DAB1: variants seen among roughly 807,000 people sequenced by gnomAD.
DAB1 encodes DAB adaptor protein 1, also known as disabled homolog 1.
A neutral mutation model predicts 64.6 loss-of-function variants in DAB1; 15 were observed. That is an observed-to-expected ratio of 0.23 (90% CI 0.16 to 0.36). The LOEUF (loss-of-function observed/expected upper bound fraction) is 0.36, where lower values mean the gene tolerates loss of function less well. Ranked by LOEUF, DAB1 falls within the 10% of genes least tolerant of loss-of-function variation. The pLI is 1.00. For synonymous variants in DAB1, 235 were observed against 251.9 expected, an observed-to-expected ratio of 0.93 and a Z score of 0.64; for missense variants, 596 against 706.7, an observed-to-expected ratio of 0.84 and a Z score of 1.78.
chr1:58,433,593 GAGAGT>G (rs1644904691), intron 3 of DAB1, among the ~76,000 whole-genome samples: 2 of 83,014 alleles, frequency 2.4e-5, no homozygotes, highest in Non-Finnish European at 5.3e-5. Context: ...GAGAGAGAGA[GAGAGT>G]GTGTGTGTGT....
chr1:57,495,377 A>G (rs963773761), intron 7 of DAB1, among the ~76,000 whole-genome samples: 2 of 152,212 alleles, frequency 1.3e-5, no homozygotes, highest in African/African-American at 2.4e-5. Context: ...TCCAAATATC[A>G]TGCTGCACTG....
chr1:57,141,828 C>A (rs1330428264), intron 3 of DAB1, among the ~76,000 whole-genome samples: 2 of 152,124 alleles, frequency 1.3e-5, no homozygotes, highest in Admixed American at 1.3e-4. Context: ...AGCTTAAGAT[C>A]TAGTTTGGGA....
chr1:58,048,943 T>G, intron 5 of DAB1: 1 of 857,728 alleles, frequency 1.2e-6, no homozygotes, highest in Non-Finnish European at 2.0e-6. Context: ...GGTGATGTTC[T>G]TCAGTGTCTT....
intron 2 of DAB1, among the ~76,000 whole-genome samples, chr1:57,234,623 T>A (rs60349301): frequency 0.04 from 6,121 of 152,272 alleles, 411 homozygotes; most frequent in African/African-American, 0.14. Flanking sequence ...TTAACACCCA[T>A]TTATTGTTTC....
chr1:57,074,185 AT>A lies in DAB1; in HGVS notation c.307-1772del, dbSNP rs370925516. ...GCACCGGCCATTTATTTGGAATTAT[AT>A]CAGCTTAGTGTTGCTAATATTCCTT... On this transcript the variant is annotated intron_variant, in intron 4 of 14. Coordinates refer to ENST00000371236, the MANE Select transcript of DAB1 (RefSeq NM_001365792.1). Among the ~76,000 whole-genome samples the A allele has an allele frequency of 9.6e-3, 1,464 of 152,296 alleles. 11 individuals are homozygous for A. The highest frequency in any genetic ancestry group is 0.016 in the Non-Finnish European group (1,056 of 68,002).
At chr1:57,723,226 G>A (rs1008361310) in intron 6 of DAB1, among the ~76,000 whole-genome samples, 8 of 152,092 alleles carry the variant, frequency 5.3e-5, no homozygotes, top group Admixed American at 3.3e-4. Context: ...GTGTGACCAC[G>A]GGCAAGTTTC....
At chr1:57,526,920 A>G (rs1294130975) in intron 7 of DAB1, among the ~76,000 whole-genome samples, 1 of 152,192 alleles carries the variant, frequency 6.6e-6, no homozygotes. Flanking sequence ...CTATATTATG[A>G]GTATTTAATA....
At chr1:57,493,964 A>G (rs1407312016) in intron 7 of DAB1, among the ~76,000 whole-genome samples, 1 of 152,210 alleles carries the variant, frequency 6.6e-6, no homozygotes, top group Non-Finnish European at 1.5e-5. Context: ...AGATAAGTCA[A>G]AAACACTGAA....
intron 6 of DAB1, among the ~76,000 whole-genome samples, chr1:57,695,410 AAGAAAGAAAGAAAGAAAG>A (rs1646831038): frequency 1.5e-5 from 2 of 136,986 alleles, no homozygotes; most frequent in African/African-American, 5.8e-5. Flanking sequence ...GAAAGAAAGA[AAGAAAGAAAGAAAGAAAG>A]AAAGAAAAAA....
chr1:58,503,625 C>CT (rs960463390), intron 3 of DAB1, among the ~76,000 whole-genome samples: 55 of 152,038 alleles, frequency 3.6e-4, no homozygotes, highest in African/African-American at 1.3e-3. Context: ...GGTTAGCACC[C>CT]TTTTATAAAA....
At chr1:58,192,389 T>C (rs552732946) in intron 4 of DAB1, among the ~76,000 whole-genome samples, 45 of 152,282 alleles carry the variant, frequency 3.0e-4, no homozygotes, top group Admixed American at 2.4e-3. Context: ...CTGCAAACAA[T>C]AGTTAATTTT....
chr1:57,411,946 G>A (rs1039757464), intron 1 of DAB1, among the ~76,000 whole-genome samples: 16 of 152,202 alleles, frequency 1.1e-4, no homozygotes, highest in Non-Finnish European at 2.2e-4. Flanking sequence ...TTGAAGGTTT[G>A]TAGCAACCCT....
At chr1:57,785,780 T>A (rs1390990632) in intron 6 of DAB1, among the ~76,000 whole-genome samples, 7 of 152,184 alleles carry the variant, frequency 4.6e-5, no homozygotes, top group African/African-American at 1.7e-4. Flanking sequence ...GCTGTGAACA[T>A]TGTTGAAATG....
intron 6 of DAB1, among the ~76,000 whole-genome samples, chr1:57,807,848 T>A (rs1451251791): frequency 1.3e-5 from 2 of 152,186 alleles, no homozygotes. Context: ...AGGATGCAGA[T>A]CTTTATAATA....
Position 57,949,509 on chromosome 1 carries a change from ATATCTG to A in DAB1, n.388-65353_388-65348del, listed in dbSNP as rs1237496993. 6.1e-3 allele frequency among the ~76,000 whole-genome samples: 865 copies of A among 142,616 alleles called. 3 individuals carry two copies. Among genetic ancestry groups the A allele is most frequent in the African/African-American group, 8.7e-3 (330 of 37,884 alleles). The allele number at this position is 142,616 out of a possible 152,430, so 93.6% of individuals were successfully genotyped here. ...TATCTATCTATCTATCTATCTATCTATATCTGTCTGTCTGTCTGTCTGTCTATCTAT... is the reference window on the plus strand; with the variant it reads ...TATCTATCTATCTATCTATCTATCTATCTGTCTGTCTGTCTGTCTATCTAT... On this transcript the variant is annotated intron_variant and non_coding_transcript_variant, in intron 5 of 20. Transcript: ENST00000485760.
rs571418134 is a variant in DAB1 at position 58,484,768 on chromosome 1, G to A, written n.257+21292C>T. 3.9e-5 allele frequency among the ~76,000 whole-genome samples: 6 copies of A among 152,276 alleles called. No homozygotes were observed. In the South Asian group the frequency reaches 1.0e-3, roughly 26 times the overall value. On this transcript the variant is annotated intron_variant and non_coding_transcript_variant, in intron 3 of 20. Coordinates refer to the DAB1 transcript ENST00000485760. ...TAGCTATCAAGCCATGAAAAGATAT[G>A]AGGAACCTTAAACGTATATTGCTAA...
intron 2 of DAB1, among the ~76,000 whole-genome samples, chr1:57,199,186 G>A (rs1254792791): frequency 1.3e-5 from 2 of 152,186 alleles, no homozygotes; most frequent in Admixed American, 6.5e-5. Flanking sequence ...TTGTTAAGGA[G>A]TCCACTTGGA....
chr1:58,274,786 T>C (rs560048123), intron 4 of DAB1, among the ~76,000 whole-genome samples: 218 of 151,978 alleles, frequency 1.4e-3, no homozygotes, highest in East Asian at 6.4e-3. Context: ...CGTCCGTCAC[T>C]CCTTTCTTTG....
chr1:57,200,476 G>A (rs1156469825), intron 2 of DAB1, among the ~76,000 whole-genome samples: 1 of 152,176 alleles, frequency 6.6e-6, no homozygotes, highest in Admixed American at 6.5e-5. Context: ...TAGTGGTTAC[G>A]AGCATGTAGT....
Sources: allele counts gnomAD v4.1 joint callset (sites outside exome capture counted in the v4.1 genomes callset), GRCh38; gene constraint gnomAD v4.1.1; transcripts MANE v1.5; gene names NCBI Gene and HGNC (gene_info 2026-07-23, HGNC 2026-07-21).